The following LAMA2 variants were observed in gnomAD, a reference collection of about 807,000 sequenced individuals.
LAMA2 encodes laminin subunit alpha-2.
In LAMA2, 269 loss-of-function variants were observed where a neutral mutation model predicts 364.8. The observed-to-expected ratio is 0.74, with a 90% CI of 0.67 to 0.82. LAMA2 has a LOEUF of 0.82. LAMA2 is among the 40% of genes least tolerant of loss of function. LAMA2 has a pLI of 0.00. For synonymous variants in LAMA2, 1,379 were observed against 1,370.6 expected, an observed-to-expected ratio of 1.01 and a Z score of -0.14; for missense variants, 3,807 against 3,873.2, an observed-to-expected ratio of 0.98 and a Z score of 0.45.
In LAMA2 at chr6:129,066,038, G is replaced by GTATGTCTTTTTTTTTTTTTTTTTTTT. The variant is rs59543848; in HGVS notation, c.396+6143_396+6144insATGTCTTTTTTTTTTTTTTTTTTTTT. 1.9e-4 allele frequency among the ~76,000 whole-genome samples: 7 copies of GTATGTCTTTTTTTTTTTTTTTTTTTT among 37,118 alleles called. 2 individuals carry two copies. The highest frequency in any genetic ancestry group is 5.5e-3 in the East Asian group (2 of 366). 24.4% of individuals were successfully genotyped at this position (37,118 alleles called of 152,430 possible). ...TCTTTTGTAAATTGCCCAGTCTCAG[G>GTATGTCTTTTTTTTTTTTTTTTTTTT]TTTTTTTTTTTTTTTTTTTTTTTTT... On this transcript the variant is annotated intron_variant, in intron 3 of 64. Coordinates refer to ENST00000421865, the MANE Select transcript of LAMA2 (RefSeq NM_000426.4).
chr6:129,008,736 C>A (rs192559205), intron 1 of LAMA2, among the ~76,000 whole-genome samples: 1 of 152,090 alleles, frequency 6.6e-6, no homozygotes, highest in South Asian at 2.1e-4. Context: ...TTAAATATTC[C>A]AGAAATGGTG....
intron 8 of LAMA2, chr6:129,159,268 G>C (rs1779315798): frequency 1.4e-6 from 1 of 733,942 alleles, no homozygotes; most frequent in East Asian, 2.6e-5. Flanking sequence ...GCTTTCTTAC[G>C]ACTCCTCCAA....
At chr6:129,424,845 T>A (rs1781248183) in intron 40 of LAMA2, among the ~76,000 whole-genome samples, 1 of 151,676 alleles carries the variant, frequency 6.6e-6, no homozygotes, top group Non-Finnish European at 1.5e-5. Flanking sequence ...CCAGCCATTC[T>A]GCTTCTGTGT....
At chr6:129,089,608 T>C (rs1436669860) in intron 3 of LAMA2, among the ~76,000 whole-genome samples, 1 of 152,220 alleles carries the variant, frequency 6.6e-6, no homozygotes, top group African/African-American at 2.4e-5. Flanking sequence ...CAATGACTTA[T>C]TCACAGGAGG....
chr6:129,497,274 G>A (rs1324647362), intron 58 of LAMA2, among the ~76,000 whole-genome samples: 3 of 150,308 alleles, frequency 2.0e-5, no homozygotes, highest in East Asian at 1.9e-4. Flanking sequence ...TTCTTGCTCT[G>A]TCACCCAGGC....
At chr6:129,265,544 A>G (rs1043350314) in intron 15 of LAMA2, among the ~76,000 whole-genome samples, 18 of 152,118 alleles carry the variant, frequency 1.2e-4, no homozygotes, top group Non-Finnish European at 2.6e-4. Context: ...TCACTTCTAT[A>G]ATGAATCTAG....
intron 14 of LAMA2, among the ~76,000 whole-genome samples, chr6:129,255,036 AT>A (rs56778619): frequency 0.097 from 14,293 of 146,824 alleles, 2,215 homozygotes; most frequent in African/African-American, 0.33. Context: ...GAAATGATGT[AT>A]TTTTTTTTTT....
At chr6:129,353,081 C>A in intron 31 of LAMA2, 83 bp from the exon 32 acceptor site, 4 of 1,040,854 alleles carry the variant, frequency 3.8e-6, no homozygotes, top group Admixed American at 2.2e-5. Flanking sequence ...AGTTTTGTTG[C>A]ATCAAAACAA....
At position 129,342,471 on chromosome 6, in the gene LAMA2, A is replaced by G; in HGVS notation, c.4436+4A>G. On this transcript the variant is annotated splice_donor_region_variant and intron_variant, in intron 30 of 64. Coordinates refer to ENST00000421865, the MANE Select transcript of LAMA2 (RefSeq NM_000426.4). ...CTCTGATTTCTTCCAGTAACAAGTA[A>G]GATTGAGAAATATAACCATATTTCC... 6.2e-7 allele frequency: 1 copy of G among 1,612,610 alleles called. No individual in the cohort carries two copies. The highest frequency in any genetic ancestry group is 8.5e-7 in the Non-Finnish European group (1 of 1,178,930).
At chr6:128,916,069 A>G (rs1053397494) in intron 1 of LAMA2, among the ~76,000 whole-genome samples, 2 of 152,132 alleles carry the variant, frequency 1.3e-5, no homozygotes, top group African/African-American at 4.8e-5. Context: ...GATGTTCTCT[A>G]TTATCTAACT....
intron 51 of LAMA2, among the ~76,000 whole-genome samples, chr6:129,470,046 C>G (rs1783735640): frequency 6.6e-6 from 1 of 151,756 alleles, no homozygotes; most frequent in Non-Finnish European, 1.5e-5. Flanking sequence ...CAGGTGTATA[C>G]AATTACATGT....
intron 40 of LAMA2, among the ~76,000 whole-genome samples, chr6:129,424,580 G>A (rs1781235914): frequency 1.3e-5 from 2 of 151,834 alleles, no homozygotes; most frequent in South Asian, 4.2e-4. Context: ...ATTTAAACAG[G>A]TCACCAAAGA....
At chr6:129,048,707 C>T (rs910765968) in intron 1 of LAMA2, among the ~76,000 whole-genome samples, 5 of 151,370 alleles carry the variant, frequency 3.3e-5, no homozygotes, top group Admixed American at 2.6e-4. Flanking sequence ...CTCCACCTCC[C>T]GGGCTCAAGC....
intron 62 of LAMA2, among the ~76,000 whole-genome samples, chr6:129,512,157 C>T (rs1583946812): frequency 1.3e-5 from 2 of 151,984 alleles, no homozygotes; most frequent in Admixed American, 6.6e-5. Context: ...GGGAAGGTAG[C>T]CCAGAAAATA....
intron 4 of LAMA2, among the ~76,000 whole-genome samples, chr6:129,111,144 C>T (rs1776135877): frequency 6.6e-6 from 1 of 152,012 alleles, no homozygotes; most frequent in East Asian, 1.9e-4. Context: ...CTTTACTAGG[C>T]CCCTGCTATG....
chr6:129,315,540 C>T lies in LAMA2; in HGVS notation c.3620C>T (p.Thr1207Ile). 1 of 1,614,186 alleles carries T rather than the reference C, an allele frequency of 6.2e-7. No individual in the cohort carries two copies. Among genetic ancestry groups the T allele is most frequent in the Non-Finnish European group, 8.5e-7 (1 of 1,180,020 alleles). Residue 1207 changes from threonine (T) to isoleucine (I), a missense_variant, in exon 25 of 65, where the codon ACC (threonine) becomes ATC (isoleucine). This residue lies in a region of LAMA2 where 3,333 missense variants were observed against 3,345.7 expected (regional missense o/e 1.00). Coordinates refer to ENST00000421865, the MANE Select transcript of LAMA2 (RefSeq NM_000426.4). The stretch of plus-strand genomic sequence containing the variant: ...GATGAGGCTCTGCAGCACACGACCA[C>T]CAAGGGCATTGTTTTTCAACATCCA... Reference protein sequence around the residue: ...LVDEALQHTTTKGIVFQHPEI... With the variant: ...LVDEALQHTTIKGIVFQHPEI...
chr6:129,443,699 A>G (rs1240376423), intron 44 of LAMA2, among the ~76,000 whole-genome samples: 1 of 152,236 alleles, frequency 6.6e-6, no homozygotes, highest in African/African-American at 2.4e-5. Flanking sequence ...CAAATGAACA[A>G]CTACTGGGAT....
In LAMA2 at chr6:129,280,156, A is replaced by G. The variant is rs1299536392; in HGVS notation, c.2537+9A>G. 5.2e-6 allele frequency: 8 copies of G among 1,542,182 alleles called. No individual in the cohort carries two copies. Among genetic ancestry groups the G allele is most frequent in the Admixed American group, 1.7e-5 (1 of 59,794 alleles). ...GGACCACGCTGTGAGAGGTAAGAGT[A>G]TACTACACTGTCTTGCAAAATGATT... On this transcript the variant is annotated intron_variant, in intron 18 of 64. Coordinates refer to ENST00000421865, the MANE Select transcript of LAMA2 (RefSeq NM_000426.4).
At chr6:129,515,609 G>T (rs1332521665) in intron 64 of LAMA2, among the ~76,000 whole-genome samples, 2 of 135,102 alleles carry the variant, frequency 1.5e-5, no homozygotes, top group African/African-American at 5.1e-5. Context: ...AAGTGATAAA[G>T]TCACCTTCAA....
Sources: gnomAD v4.1 joint callset for allele counts (sites outside exome capture counted in the v4.1 genomes callset) on GRCh38, gnomAD v4.1.1 for gene constraint, gnomAD v4.1.1 regional missense constraint, MANE v1.5 for transcripts, NCBI Gene and HGNC (gene_info 2026-07-23, HGNC 2026-07-21) for gene names.